Variants in LRRC4C observed in about 807,000 individuals in gnomAD.
LRRC4C encodes the protein leucine rich repeat containing 4C.
LRRC4C carries 5 observed loss-of-function variants against 33.6 expected under a neutral mutation model. The ratio of observed to expected loss-of-function variants is 0.15; its 90% CI spans 0.08 to 0.31. The LOEUF (loss-of-function observed/expected upper bound fraction) is 0.31, where lower values mean the gene tolerates loss of function less well. Ranked by LOEUF, LRRC4C falls within the 10% of genes least tolerant of loss-of-function variation. The pLI is 1.00. For missense variants in LRRC4C, 560 were observed against 796.7 expected, an observed-to-expected ratio of 0.70 and a Z score of 3.58; for synonymous variants, 329 against 302.0, an observed-to-expected ratio of 1.09 and a Z score of -0.93.
intron 2 of LRRC4C, among the ~76,000 whole-genome samples, chr11:40,683,232 C>T (rs903898705): frequency 6.6e-6 from 1 of 152,066 alleles, no homozygotes; most frequent in African/African-American, 2.4e-5. Context: ...ACTGGATATC[C>T]GTAAGTATAG....
chr11:40,938,123 TG>T (rs1957986695), intron 1 of LRRC4C, among the ~76,000 whole-genome samples: 1 of 152,190 alleles, frequency 6.6e-6, no homozygotes, highest in African/African-American at 2.4e-5. Context: ...CACTTAAGAA[TG>T]TTCTTTCAGT....
chr11:40,978,787 A>AT (rs374981105), intron 1 of LRRC4C, among the ~76,000 whole-genome samples: 297 of 147,276 alleles, frequency 2.0e-3, no homozygotes, highest in Middle Eastern at 3.5e-3. Flanking sequence ...ATGCCCGGCT[A>AT]TTTTTTTTTT....
At chr11:40,527,014 A>G (rs986502271) in intron 3 of LRRC4C, among the ~76,000 whole-genome samples, 4 of 152,212 alleles carry the variant, frequency 2.6e-5, no homozygotes, top group Non-Finnish European at 2.9e-5. Context: ...GAAGCTAGAC[A>G]TATAAAATTA....
At chr11:41,255,986 C>T (rs536234996) in intron 1 of LRRC4C, among the ~76,000 whole-genome samples, 1 of 152,048 alleles carries the variant, frequency 6.6e-6, no homozygotes, top group Admixed American at 6.6e-5. Flanking sequence ...TTAGGAAAAA[C>T]AAAAGGGCAA....
chr11:40,786,726 C>T (rs1290044374), intron 2 of LRRC4C, among the ~76,000 whole-genome samples: 9 of 151,984 alleles, frequency 5.9e-5, no homozygotes, highest in Non-Finnish European at 8.8e-5. Context: ...TATTTTACTT[C>T]CTCTACCCTA....
intron 2 of LRRC4C, among the ~76,000 whole-genome samples, chr11:40,768,407 T>C (rs1272910394): frequency 1.3e-5 from 2 of 152,040 alleles, no homozygotes; most frequent in East Asian, 3.9e-4. Context: ...CTAATACCAA[T>C]CCTACTCAAA....
intron 3 of LRRC4C, among the ~76,000 whole-genome samples, chr11:40,575,754 C>A (rs1271365179): frequency 6.6e-6 from 1 of 152,008 alleles, no homozygotes; most frequent in Non-Finnish European, 1.5e-5. Context: ...TCATCAATGG[C>A]AAACAACAAT....
intron 1 of LRRC4C, among the ~76,000 whole-genome samples, chr11:41,283,278 A>G (rs1273154979): frequency 5.3e-5 from 8 of 152,226 alleles, no homozygotes. Flanking sequence ...TAAAAGATTC[A>G]TGTACGAAAA....
chr11:41,066,797 T>A (rs1212960211), intron 1 of LRRC4C, among the ~76,000 whole-genome samples: 1 of 152,134 alleles, frequency 6.6e-6, no homozygotes, highest in African/African-American at 2.4e-5. Context: ...ACCCAGAATT[T>A]CATATCCAGC....
intron 1 of LRRC4C, among the ~76,000 whole-genome samples, chr11:41,276,636 T>C (rs901784284): frequency 3.9e-5 from 6 of 152,172 alleles, no homozygotes; most frequent in Non-Finnish European, 8.8e-5. Context: ...ATCCATATCC[T>C]GCTCCCTGGA....
chr11:41,150,516 G>T (rs954965048), intron 1 of LRRC4C, among the ~76,000 whole-genome samples: 1 of 151,994 alleles, frequency 6.6e-6, no homozygotes, highest in African/African-American at 2.4e-5. Flanking sequence ...ATTTTGCCAG[G>T]CGCGGTGGCT....
intron 1 of LRRC4C, among the ~76,000 whole-genome samples, chr11:41,208,925 G>T (rs1397792240): frequency 6.6e-6 from 1 of 152,144 alleles, no homozygotes; most frequent in Non-Finnish European, 1.5e-5. Flanking sequence ...TCACCATGGA[G>T]AGCTGAGAAG....
intron 1 of LRRC4C, among the ~76,000 whole-genome samples, chr11:41,190,560 C>A (rs538361453): frequency 6.6e-6 from 1 of 152,112 alleles, no homozygotes; most frequent in Non-Finnish European, 1.5e-5. Flanking sequence ...GCATTTATCA[C>A]GGTCAGAGAA....
chr11:41,211,408 C>T (rs187149490), intron 1 of LRRC4C, among the ~76,000 whole-genome samples: 311 of 152,138 alleles, frequency 2.0e-3, no homozygotes, highest in African/African-American at 6.8e-3. Context: ...TATACACGTG[C>T]CATGTTGGTG....
In LRRC4C at chr11:40,843,142, C is replaced by A. The variant is rs185900283; in HGVS notation, c.-407+90493G>T. Among the ~76,000 whole-genome samples, 10 of 152,238 alleles carry A rather than the reference C, an allele frequency of 6.6e-5. No homozygotes were observed. In the East Asian group the frequency reaches 1.9e-3, roughly 29 times the overall value. ...CACTTGCCTGGTGACGAACTGACCC[C>A]TGGATAGTGCAATAGCCACATTGGA... On this transcript the variant is annotated intron_variant, in intron 2 of 6. Transcript: ENST00000528697.
At chr11:41,121,500 C>T (rs994022878) in intron 1 of LRRC4C, among the ~76,000 whole-genome samples, 1 of 152,140 alleles carries the variant, frequency 6.6e-6, no homozygotes, top group Admixed American at 6.5e-5. Flanking sequence ...CTTCCCCTTC[C>T]TAGATGTACT....
At chr11:40,903,300 C>T (rs1245832370) in intron 2 of LRRC4C, among the ~76,000 whole-genome samples, 2 of 152,106 alleles carry the variant, frequency 1.3e-5, no homozygotes, top group Admixed American at 1.3e-4. Context: ...AGACCTACTG[C>T]TAAGGAAAAA....
intron 3 of LRRC4C, among the ~76,000 whole-genome samples, chr11:40,550,123 A>T (rs1326316541): frequency 6.6e-6 from 1 of 152,132 alleles, no homozygotes; most frequent in Admixed American, 6.6e-5. Context: ...AAGGGATCTG[A>T]TGTGGAAATT....
At chr11:40,167,288 G>A (rs917259212) in intron 5 of LRRC4C, among the ~76,000 whole-genome samples, 40 of 152,112 alleles carry the variant, frequency 2.6e-4, no homozygotes, top group Non-Finnish European at 1.2e-4. Flanking sequence ...TGTAGTGAGT[G>A]GTAGCTCTGT....
Sources: allele counts gnomAD v4.1 joint callset (sites outside exome capture counted in the v4.1 genomes callset), GRCh38; gene constraint gnomAD v4.1.1; transcripts MANE v1.5; gene names NCBI Gene and HGNC (gene_info 2026-07-23, HGNC 2026-07-21).